The following GAGE1 variants were observed in gnomAD, a reference collection of about 807,000 sequenced individuals.
GAGE1 encodes the protein G antigen 4.
In GAGE1, 5 loss-of-function variants were observed where a neutral mutation model predicts 5.0. That is an observed-to-expected ratio of 1.00 (90% CI 0.52 to 2.11). The LOEUF (loss-of-function observed/expected upper bound fraction) is 2.11, where lower values mean the gene tolerates loss of function less well. Ranked by LOEUF, GAGE1 falls within the 30% of genes most tolerant of loss-of-function variation. The pLI is 0.01. For missense variants in GAGE1, 9 were observed against 38.9 expected (o/e 0.23, Z 2.04); for synonymous variants, 6 against 14.8 (o/e 0.40, Z 1.37).
chrX:49,605,113 A>G (rs373187691), intron 4 of GAGE1: 228 of 1,006,172 alleles, frequency 2.3e-4, no homozygotes, highest in Non-Finnish European at 2.9e-4. Context: ...ATGGCAAGAG[A>G]CCGTTTAGTT....
At chrX:49,604,044 G>T (rs781838153) in intron 4 of GAGE1, among the ~76,000 whole-genome samples, 2 of 112,463 alleles carry the variant, frequency 1.8e-5, no homozygotes, top group Non-Finnish European at 3.8e-5. Flanking sequence ...GTAGAGACAG[G>T]GTTTCGTTAT....
At chrX:49,605,108 A>C (rs3747318) in intron 4 of GAGE1, 5 of 1,015,055 alleles carry the variant, frequency 4.9e-6, no homozygotes, top group Non-Finnish European at 6.5e-6. Context: ...ATCAAATGGC[A>C]AGAGACCGTT....
chrX:49,605,009 C>G (rs144282981), intron 4 of GAGE1: 218 of 995,571 alleles, frequency 2.2e-4, no homozygotes, highest in Non-Finnish European at 2.6e-4. Flanking sequence ...GATGAGGTCT[C>G]ACTATGTTGC....
rs1239638621 is a variant in GAGE1, at chrX:49,606,670, C to CT, written c.*660dup. On this transcript the variant is annotated 3_prime_UTR_variant, in exon 5 of 5. Coordinates refer to ENST00000381700, the MANE Select transcript of GAGE1 (RefSeq NM_001040663.4). ...TTAGTGTACTTTTTTTGTAGATGGA[C>CT]TTTTTCAGAGTAAGTCAAGCCATTC... 1 of 111,976 alleles carries CT rather than the reference C, an allele frequency of 8.9e-6. No individual in the cohort carries two copies. The highest frequency in any genetic ancestry group is 1.9e-5 in the Non-Finnish European group (1 of 53,244). The allele number at this position is 111,976 out of a possible 1,213,427, so 9.2% of individuals were successfully genotyped here. A position where few individuals can be genotyped will look rare whatever the true frequency, so the allele number is the denominator to read the frequency against.
intron 4 of GAGE1, among the ~76,000 whole-genome samples, chrX:49,604,728 C>A (rs1397999894): frequency 1.8e-5 from 2 of 112,183 alleles, no homozygotes; most frequent in African/African-American, 6.5e-5. Flanking sequence ...AGGGGGCACT[C>A]TGCTTCATCC....
At chrX:49,605,861 T>C (rs1485321297) in intron 4 of GAGE1, 132 bp from the exon 5 acceptor site, 4 of 351,339 alleles carry the variant, frequency 1.1e-5, no homozygotes, top group Non-Finnish European at 1.7e-5. Flanking sequence ...GTGAACCAGA[T>C]TGCTCCACTG....
At position 49,605,166 on chromosome X, in the gene GAGE1, T is replaced by C. The variant is rs782263930; in HGVS notation, c.332-827T>C. 3.4e-3 allele frequency: 3,359 copies of C among 986,480 alleles called. 4 individuals are homozygous for C. The highest frequency in any genetic ancestry group is 4.1e-3 in the Non-Finnish European group (3,129 of 757,095). The allele number at this position is 986,480 out of a possible 1,213,427, so 81.3% of individuals were successfully genotyped here. A position where few individuals can be genotyped will look rare whatever the true frequency, so the allele number is the denominator to read the frequency against. On this transcript the variant is annotated intron_variant, in intron 4 of 4. Coordinates refer to ENST00000381700, the MANE Select transcript of GAGE1 (RefSeq NM_001040663.4). ...GTAAGTCAGTGATGCTCAGCATGGG[T>C]GTGAGTAAGATGCCTGTGCTATGCA...
At chrX:49,604,888 A>C in intron 4 of GAGE1, 1 of 281,129 alleles carries the variant, frequency 3.6e-6, no homozygotes, top group East Asian at 1.0e-4. Context: ...GCTCACTGCA[A>C]CCTCTGGCTC....
chrX:49,605,856 C>A, intron 4 of GAGE1, 137 bp from the exon 5 acceptor site: 1 of 330,539 alleles, frequency 3.0e-6, no homozygotes, highest in Non-Finnish European at 4.5e-6. Flanking sequence ...TTGCAGTGAA[C>A]CAGATTGCTC....
At position 49,607,882 on chromosome X, in the gene GAGE1, T is replaced by C. The variant is rs2066667825; in HGVS notation, c.*1867T>C. On this transcript the variant is annotated 3_prime_UTR_variant, in exon 5 of 5. Coordinates refer to ENST00000381700, the MANE Select transcript of GAGE1 (RefSeq NM_001040663.4). ...GTGTACTATCTATGAATTACTTCTT[T>C]GTGCTAGGTTGTGTACATGTATGAC... 1 of 111,531 alleles carries C rather than the reference T, an allele frequency of 9.0e-6. No homozygotes were observed. The highest frequency in any genetic ancestry group is 3.7e-4 in the South Asian group (1 of 2,676). The allele number at this position is 111,531 out of a possible 1,213,427, so 9.2% of individuals were successfully genotyped here.
rs1158512314 is a variant in GAGE1 at position 49,608,468 on chromosome X, A to G, written c.*2453A>G. ...CAGTGCGGATATACCTAGGCATGAC[A>G]TTCTTGTTGCCTGTTGCGAGGATGC... On this transcript the variant is annotated 3_prime_UTR_variant, in exon 5 of 5. Coordinates refer to ENST00000381700, the MANE Select transcript of GAGE1 (RefSeq NM_001040663.4). 2 of 111,560 alleles carry G rather than the reference A, an allele frequency of 1.8e-5. No individual in the cohort carries two copies. The highest frequency in any genetic ancestry group is 3.8e-5 in the Non-Finnish European group (2 of 53,154). The allele number at this position is 111,560 out of a possible 1,213,427, so 9.2% of individuals were successfully genotyped here.
chrX:49,604,613 C>A (rs2066640687), intron 4 of GAGE1, among the ~76,000 whole-genome samples: 1 of 112,340 alleles, frequency 8.9e-6, no homozygotes, highest in South Asian at 3.7e-4. Flanking sequence ...GCGTGGGACA[C>A]AGAGATCATC....
chrX:49,601,973 G>A (rs2066611714), intron 3 of GAGE1, among the ~76,000 whole-genome samples: 1 of 93,461 alleles, frequency 1.1e-5, no homozygotes, highest in East Asian at 3.5e-4. Flanking sequence ...CTGAATATAA[G>A]CATTATACAT....
At chrX:49,605,133 T>C in intron 4 of GAGE1, 3 of 1,008,106 alleles carry the variant, frequency 3.0e-6, no homozygotes, top group Non-Finnish European at 3.9e-6. Context: ...TCCTATCATC[T>C]GTGGCATGTA....
chrX:49,605,903 A>G, intron 4 of GAGE1, 90 bp from the exon 5 acceptor site: 8 of 431,126 alleles, frequency 1.9e-5, no homozygotes, highest in Non-Finnish European at 2.5e-5. Context: ...GTGAGACTCC[A>G]TCTAAAATAA....
chrX:49,604,595 C>A (rs1456140008), intron 4 of GAGE1, among the ~76,000 whole-genome samples: 9 of 112,151 alleles, frequency 8.0e-5, no homozygotes, highest in Non-Finnish European at 1.5e-4. Context: ...GATCCTGTTG[C>A]ATAGAATGCG....
At chrX:49,605,765 C>G (rs1372969397) in intron 4 of GAGE1, among the ~76,000 whole-genome samples, 4 of 110,348 alleles carry the variant, frequency 3.6e-5, no homozygotes, top group Non-Finnish European at 7.6e-5. Flanking sequence ...AAAAAATTAG[C>G]CCTTGTGGTG....
chrX:49,604,499 C>G, intron 4 of GAGE1, among the ~76,000 whole-genome samples: 1 of 112,294 alleles, frequency 8.9e-6, no homozygotes, highest in Non-Finnish European at 1.9e-5. Context: ...CCTTTCACTT[C>G]TAAACCTATC....
In GAGE1 at chrX:49,605,072, C is replaced by G. The variant is rs782538840; in HGVS notation, c.332-921C>G. The G allele has an allele frequency of 8.8e-6, 9 of 1,020,234 alleles. No homozygotes were observed. The Admixed American group carries it at 2.2e-4, about 25-fold the overall frequency. The allele number at this position is 1,020,234 out of a possible 1,213,427, so 84.1% of individuals were successfully genotyped here. A position where few individuals can be genotyped will look rare whatever the true frequency, so the allele number is the denominator to read the frequency against. ...GAACAATTGCTTCTTAAATCTTTCC[C>G]CACGGAAACCTTGAGTGACTGAAAT... On this transcript the variant is annotated intron_variant, in intron 4 of 4. Coordinates refer to ENST00000381700, the MANE Select transcript of GAGE1 (RefSeq NM_001040663.4).
Sources: allele counts gnomAD v4.1 joint callset (sites outside exome capture counted in the v4.1 genomes callset), GRCh38; gene constraint gnomAD v4.1.1; transcripts MANE v1.5; gene names NCBI Gene and HGNC (gene_info 2026-07-23, HGNC 2026-07-21).